The following ADAM17 variants were observed in gnomAD, a reference collection of about 807,000 sequenced individuals.
ADAM17 encodes the protein disintegrin and metalloproteinase domain-containing protein 17.
A neutral mutation model predicts 96.7 loss-of-function variants in ADAM17; 39 were observed. The ratio of observed to expected loss-of-function variants is 0.40; its 90% confidence interval spans 0.31 to 0.53. The LOEUF (loss-of-function observed/expected upper bound fraction) is 0.53. Ranked by LOEUF, ADAM17 falls within the 20% of genes least tolerant of loss-of-function variation. The pLI is 0.44. For synonymous variants in ADAM17, 344 were observed against 359.2 expected, an observed-to-expected ratio of 0.96 and a Z score of 0.48; for missense variants, 777 against 1,013.2, an observed-to-expected ratio of 0.77 and a Z score of 3.17.
At chr2:9,543,769 G>C (rs1665306513) in intron 1 of ADAM17, among the ~76,000 whole-genome samples, 1 of 152,188 alleles carries the variant, frequency 6.6e-6, no homozygotes, top group Non-Finnish European at 1.5e-5. Flanking sequence ...GGCTGAGAAG[G>C]GAAGTGGGAG....
chr2:9,548,266 AG>A (rs988607361), intron 1 of ADAM17, among the ~76,000 whole-genome samples: 19 of 152,024 alleles, frequency 1.2e-4, no homozygotes, highest in African/African-American at 4.6e-4. Context: ...CAGGAGGCAA[AG>A]GTGGCAGTGA....
rs1166472365 is a variant in ADAM17 at position 9,524,414 on chromosome 2, C to T, written c.754-1076G>A. Among the ~76,000 whole-genome samples, 10 of 152,080 alleles carry T rather than the reference C, an allele frequency of 6.6e-5. No homozygotes were observed. The South Asian group carries it at 1.7e-3, about 25-fold the overall frequency. ...CTGAGGTGGGAAGATTGCTTTGGCC[C>T]GGGCAATAGAGGCTGCAGCAAGCTA... On this transcript the variant is annotated intron_variant, in intron 6 of 18. Transcript: ENST00000310823.
At chr2:9,532,321 CCA>C (rs1664779366) in intron 4 of ADAM17, among the ~76,000 whole-genome samples, 1 of 151,942 alleles carries the variant, frequency 6.6e-6, no homozygotes, top group South Asian at 2.1e-4. Flanking sequence ...CAGCCAATCA[CCA>C]CACTTATGAA....
chr2:9,550,968 G>C (rs147838916), intron 1 of ADAM17, among the ~76,000 whole-genome samples: 1 of 150,984 alleles, frequency 6.6e-6, no homozygotes, highest in South Asian at 2.1e-4. Context: ...CCAGCTATTC[G>C]TGAGGCTGAG....
At chr2:9,505,120 T>A (rs752338344) in intron 12 of ADAM17, 46 bp downstream of exon 12, 2 of 1,598,384 alleles carry the variant, frequency 1.3e-6, no homozygotes, top group Admixed American at 3.4e-5. Context: ...ATTTTGGACA[T>A]CTTGTTATAC....
In ADAM17 at chr2:9,542,989, C is replaced by T. The variant is rs115915554; in HGVS notation, c.230+164G>A. Among the ~76,000 whole-genome samples, 451 of 152,322 alleles carry T rather than the reference C, an allele frequency of 3.0e-3. 3 individuals carry two copies. Among genetic ancestry groups the T allele is most frequent in the Non-Finnish European group, 4.9e-3 (334 of 68,024 alleles). On this transcript the variant is annotated intron_variant, in intron 2 of 18. Coordinates refer to ENST00000310823, the MANE Select transcript of ADAM17 (RefSeq NM_003183.6). ...CTCGGATTATAGGCGTGAGCCACTG[C>T]ACCCAGCCCCAGTATGAATTTTAGA...
intron 4 of ADAM17, among the ~76,000 whole-genome samples, chr2:9,530,111 G>A (rs76802990): frequency 6.0e-4 from 92 of 152,304 alleles, no homozygotes; most frequent in African/African-American, 2.2e-3. Context: ...TGAGGCAGAT[G>A]TAAGAAACAA....
intron 6 of ADAM17, 130 bp from the exon 7 acceptor site, chr2:9,523,468 A>G: frequency 1.4e-6 from 1 of 708,122 alleles, no homozygotes; most frequent in Non-Finnish European, 2.3e-6. Context: ...ACTTTCGCAA[A>G]AACTAGCATT....
At chr2:9,537,933 GGAGGAGAGGGGA>G (rs1665040719) in intron 2 of ADAM17, among the ~76,000 whole-genome samples, 5 of 34,408 alleles carry the variant, frequency 1.5e-4, no homozygotes, top group South Asian at 1.6e-3. Flanking sequence ...GAGGAGAGGG[GGAGGAGAGGGGA>G]AGGGGAGGGG....
intron 17 of ADAM17, 89 bp downstream of exon 17, chr2:9,492,808 GA>G: frequency 8.7e-7 from 1 of 1,150,508 alleles, no homozygotes; most frequent in Non-Finnish European, 1.2e-6. Flanking sequence ...ACTTTGCTAA[GA>G]ACAAGTTTTA....
At position 9,550,903 on chromosome 2, in the gene ADAM17, C is replaced by CAA. The variant is rs33972062; in HGVS notation, c.97+4604_97+4605dup. 3.5e-4 allele frequency among the ~76,000 whole-genome samples: 34 copies of CAA among 97,860 alleles called. No homozygotes were observed. The East Asian group carries it at 5.2e-3, about 15-fold the overall frequency. 64.2% of individuals were successfully genotyped at this position (97,860 alleles called of 152,430 possible). A position where few individuals can be genotyped will look rare whatever the true frequency, so the allele number is the denominator to read the frequency against. ...TGAAACCCCATCTCTACTAAAAATA[C>CAA]AAAAAAAAAAAAAAAAAAAAAATTA... On this transcript the variant is annotated intron_variant, in intron 1 of 18. Transcript: ENST00000310823.
chr2:9,503,728 C>T (rs1663174024), intron 12 of ADAM17, among the ~76,000 whole-genome samples: 1 of 151,354 alleles, frequency 6.6e-6, no homozygotes. Context: ...ATCCCAGCTA[C>T]TGGGGAGGCT....
intron 5 of ADAM17, 152 bp downstream of exon 5, chr2:9,527,634 G>A (rs1408986897): frequency 8.6e-6 from 4 of 463,468 alleles, no homozygotes; most frequent in Non-Finnish European, 1.4e-5. Context: ...AACAAAAGAA[G>A]ATGAAAATTT....
At chr2:9,520,507 T>C (rs1295108142) in intron 8 of ADAM17, among the ~76,000 whole-genome samples, 2 of 152,324 alleles carry the variant, frequency 1.3e-5, no homozygotes, top group Non-Finnish European at 2.9e-5. Context: ...GTTTGATAAT[T>C]ACTGCCCTAA....
chr2:9,534,978 T>C (rs76079781), intron 4 of ADAM17, among the ~76,000 whole-genome samples: 81 of 152,322 alleles, frequency 5.3e-4, no homozygotes, highest in African/African-American at 1.7e-3. Context: ...CCTCAAAACA[T>C]TGACATTAAA....
At chr2:9,503,331 C>T (rs1353967079) in intron 12 of ADAM17, among the ~76,000 whole-genome samples, 5 of 152,140 alleles carry the variant, frequency 3.3e-5, no homozygotes, top group African/African-American at 4.8e-5. Flanking sequence ...AAGCCAGGCA[C>T]TGGTCTATCA....
chr2:9,511,835 G>T (rs991033151), intron 10 of ADAM17, among the ~76,000 whole-genome samples: 5 of 152,028 alleles, frequency 3.3e-5, no homozygotes, highest in African/African-American at 1.2e-4. Flanking sequence ...GCCAGGCATT[G>T]TGGTGGGCGC....
intron 8 of ADAM17, among the ~76,000 whole-genome samples, chr2:9,520,481 T>C (rs1173019457): frequency 6.6e-6 from 1 of 152,228 alleles, no homozygotes; most frequent in Non-Finnish European, 1.5e-5. Flanking sequence ...TACTCTCCAA[T>C]ACATGTTCAT....
At chr2:9,503,316 C>T (rs780884178) in intron 12 of ADAM17, among the ~76,000 whole-genome samples, 8 of 152,114 alleles carry the variant, frequency 5.3e-5, no homozygotes, top group Non-Finnish European at 1.2e-4. Context: ...AACCCTTTTA[C>T]TTCTAAGCCA....
Sources: allele counts gnomAD v4.1 joint callset (sites outside exome capture counted in the v4.1 genomes callset), GRCh38; gene constraint gnomAD v4.1.1; transcripts MANE v1.5; gene names NCBI Gene and HGNC (gene_info 2026-07-23, HGNC 2026-07-21).